The following PDE7B variants were observed in gnomAD, a reference collection of about 807,000 sequenced individuals.
PDE7B encodes 3',5'-cyclic-AMP phosphodiesterase 7B.
Under a neutral mutation model 56.2 loss-of-function variants are expected in PDE7B, and 29 were observed. The observed-to-expected ratio is 0.52, with a 90% CI of 0.38 to 0.70. The LOEUF (loss-of-function observed/expected upper bound fraction) is 0.70. Ranked by LOEUF, PDE7B falls within the 30% of genes least tolerant of loss-of-function variation. PDE7B has a pLI of 0.00. For synonymous variants in PDE7B, 197 were observed against 196.9 expected (o/e 1.00, Z 0.00); for missense variants, 490 against 565.0 (o/e 0.87, Z 1.35).
At chr6:135,929,464 C>CA (rs1343961916) in intron 1 of PDE7B, among the ~76,000 whole-genome samples, 3 of 151,890 alleles carry the variant, frequency 2.0e-5, no homozygotes, top group African/African-American at 7.3e-5. Context: ...AGACTTAGTC[C>CA]AAAAAAGTAA....
At chr6:135,964,917 G>A (rs918132365) in intron 2 of PDE7B, among the ~76,000 whole-genome samples, 1 of 152,210 alleles carries the variant, frequency 6.6e-6, no homozygotes, top group African/African-American at 2.4e-5. Flanking sequence ...TGAGGTGGGT[G>A]GATCACCTGA....
At chr6:136,125,854 G>C (rs1052535096) in intron 3 of PDE7B, among the ~76,000 whole-genome samples, 1 of 151,960 alleles carries the variant, frequency 6.6e-6, no homozygotes, top group African/African-American at 2.4e-5. Context: ...CCAGCAGAAA[G>C]ACTTCTAACC....
chr6:135,863,982 T>C (rs925208931), intron 1 of PDE7B, among the ~76,000 whole-genome samples: 13 of 152,078 alleles, frequency 8.5e-5, no homozygotes, highest in Non-Finnish European at 1.9e-4. Flanking sequence ...CTATGTACAA[T>C]TTATTTATTC....
At chr6:136,091,814 A>G (rs1777391935) in intron 2 of PDE7B, among the ~76,000 whole-genome samples, 1 of 151,254 alleles carries the variant, frequency 6.6e-6, no homozygotes, top group Admixed American at 6.6e-5. Flanking sequence ...TGGGAATCAA[A>G]TATTTTTTTT....
intron 1 of PDE7B, among the ~76,000 whole-genome samples, chr6:135,860,210 C>T (rs901705863): frequency 6.6e-6 from 1 of 152,002 alleles, no homozygotes; most frequent in Non-Finnish European, 1.5e-5. Flanking sequence ...AATTGAGACT[C>T]AGATAAATTG....
chr6:135,861,047 G>A (rs564431333), intron 1 of PDE7B, among the ~76,000 whole-genome samples: 3 of 151,896 alleles, frequency 2.0e-5, no homozygotes, highest in East Asian at 3.9e-4. Context: ...ATAGGTTGTT[G>A]CCTATCATTG....
intron 2 of PDE7B, among the ~76,000 whole-genome samples, chr6:135,999,254 T>C (rs1384344597): frequency 6.6e-6 from 1 of 152,218 alleles, no homozygotes; most frequent in African/African-American, 2.4e-5. Flanking sequence ...AACCTTTGTT[T>C]ACCTTTTTTT....
intron 11 of PDE7B, among the ~76,000 whole-genome samples, chr6:136,184,059 T>C (rs1410142647): frequency 6.6e-6 from 1 of 152,232 alleles, no homozygotes; most frequent in East Asian, 1.9e-4. Flanking sequence ...GAACATTTTA[T>C]TGAACATCTG....
chr6:135,999,316 G>A (rs540947130), intron 2 of PDE7B, among the ~76,000 whole-genome samples: 318 of 152,226 alleles, frequency 2.1e-3, no homozygotes, highest in Non-Finnish European at 3.7e-3. Flanking sequence ...TTGTAACACA[G>A]ATAAACTTGT....
At position 136,097,765 on chromosome 6, in the gene PDE7B, A is replaced by T. The variant is rs568815734; in HGVS notation, c.83-10966A>T. ...AAAGTACTAACACTTCTCCAGCCTC[A>T]TTTTGCACCGTGTCTCATCCCGCCG... On this transcript the variant is annotated intron_variant, in intron 2 of 12. Transcript: ENST00000308191. Among the ~76,000 whole-genome samples, 102 of 151,938 alleles carry T rather than the reference A, an allele frequency of 6.7e-4. 1 individual carries two copies. Among genetic ancestry groups the T allele is most frequent in the African/African-American group, 2.4e-3 (99 of 41,436 alleles).
chr6:136,133,713 G>A (rs750170079), intron 3 of PDE7B, among the ~76,000 whole-genome samples: 11 of 152,114 alleles, frequency 7.2e-5, no homozygotes, highest in Non-Finnish European at 1.5e-4. Flanking sequence ...TTACAGCAGC[G>A]TGCAGCATCT....
At chr6:135,913,123 C>G (rs1562436566) in intron 1 of PDE7B, among the ~76,000 whole-genome samples, 1 of 152,160 alleles carries the variant, frequency 6.6e-6, no homozygotes, top group East Asian at 1.9e-4. Flanking sequence ...ATAAGAACTT[C>G]ACATAATTAT....
chr6:135,860,226 A>G (rs752605103), intron 1 of PDE7B, among the ~76,000 whole-genome samples: 6 of 152,042 alleles, frequency 3.9e-5, no homozygotes, highest in Non-Finnish European at 8.8e-5. Context: ...AATTGCGGCT[A>G]ATAGTTGAAA....
chr6:136,124,108 G>A (rs1485892909), intron 3 of PDE7B, among the ~76,000 whole-genome samples: 1 of 151,980 alleles, frequency 6.6e-6, no homozygotes, highest in East Asian at 1.9e-4. Context: ...TTAAGAAAAT[G>A]AATACTTATA....
At chr6:136,148,895 G>A (rs1778465357) in intron 4 of PDE7B, among the ~76,000 whole-genome samples, 192 bp from the exon 5 acceptor site, 2 of 152,182 alleles carry the variant, frequency 1.3e-5, no homozygotes, top group African/African-American at 4.8e-5. Flanking sequence ...CTGACGTGTT[G>A]TGACGGTCTT....
At chr6:136,038,092 T>A (rs767990910) in intron 2 of PDE7B, 6 of 1,334,296 alleles carry the variant, frequency 4.5e-6, no homozygotes, top group Non-Finnish European at 5.9e-6. Context: ...GACAGGGAGG[T>A]TGTGCCAGGC....
intron 1 of PDE7B, among the ~76,000 whole-genome samples, chr6:135,898,285 C>T (rs916008924): frequency 4.6e-5 from 7 of 152,180 alleles, no homozygotes; most frequent in African/African-American, 1.7e-4. Flanking sequence ...AAATTTATTA[C>T]ACACTTTAAT....
intron 2 of PDE7B, among the ~76,000 whole-genome samples, chr6:136,091,699 C>T (rs1479889811): frequency 6.6e-6 from 1 of 152,180 alleles, no homozygotes; most frequent in African/African-American, 2.4e-5. Flanking sequence ...AATTGTGTAG[C>T]TTAGAATTTT....
intron 2 of PDE7B, among the ~76,000 whole-genome samples, chr6:135,962,379 T>G (rs535002365): frequency 6.5e-4 from 99 of 152,276 alleles, no homozygotes; most frequent in African/African-American, 1.9e-3. Flanking sequence ...AGGGTCACCT[T>G]TAGCTAGTAT....
Sources: allele counts gnomAD v4.1 joint callset (sites outside exome capture counted in the v4.1 genomes callset), GRCh38; gene constraint gnomAD v4.1.1; transcripts MANE v1.5; gene names NCBI Gene and HGNC (gene_info 2026-07-23, HGNC 2026-07-21).